Variants in CRYZ observed in about 807,000 individuals in gnomAD.
CRYZ encodes the protein zeta-crystallin.
Under a neutral mutation model 34.1 loss-of-function variants are expected in CRYZ, and 35 were observed. The ratio of observed to expected loss-of-function variants is 1.03; its 90% CI spans 0.78 to 1.36. The LOEUF (loss-of-function observed/expected upper bound fraction) is 1.36. Among genes scored for constraint, CRYZ ranks in the 40% most tolerant of loss-of-function variants. The pLI is 0.00. For missense variants in CRYZ, 403 were observed against 391.8 expected, an observed-to-expected ratio of 1.03 and a Z score of -0.24; for synonymous variants, 137 against 136.5, an observed-to-expected ratio of 1.00 and a Z score of -0.03.
In CRYZ at chr1:74,733,040, G is replaced by A; in HGVS notation, c.-98C>T. The A allele has an allele frequency of 1.5e-6, 1 of 666,572 alleles. No homozygotes were observed. Among genetic ancestry groups the A allele is most frequent in the Non-Finnish European group, 2.5e-6 (1 of 407,656 alleles). The allele number at this position is 666,572 out of a possible 1,614,324, so 41.3% of individuals were successfully genotyped here. On this transcript the variant is annotated 5_prime_UTR_variant, in exon 1 of 9. Coordinates refer to ENST00000340866, the MANE Select transcript of CRYZ (RefSeq NM_001889.4). ...GACTGCCACACCTTCTCCAACTTTT[G>A]CAGGCTCCACCCAGGATGTGCGCCT...
chr1:74,732,125 TAGG>T (rs1270286742), intron 1 of CRYZ, among the ~76,000 whole-genome samples: 2 of 142,156 alleles, frequency 1.4e-5, no homozygotes, highest in Non-Finnish European at 3.0e-5. Flanking sequence ...GGGCACTACC[TAGG>T]AGAAGAAATC....
chr1:74,713,881 C>A (rs774582271), intron 5 of CRYZ, among the ~76,000 whole-genome samples: 31 of 152,240 alleles, frequency 2.0e-4, no homozygotes, highest in Non-Finnish European at 3.5e-4. Flanking sequence ...TTGTTAAATT[C>A]TAACTGCAGA....
intron 4 of CRYZ, among the ~76,000 whole-genome samples, chr1:74,715,305 TG>T (rs1369058629): frequency 2.8e-4 from 43 of 152,222 alleles, no homozygotes; most frequent in Admixed American, 1.9e-3. Context: ...TTTTCTAGTA[TG>T]TACTGAAAAG....
chr1:74,728,025 A>C (rs547155732), intron 1 of CRYZ, among the ~76,000 whole-genome samples: 8 of 152,298 alleles, frequency 5.3e-5, no homozygotes, highest in African/African-American at 1.9e-4. Context: ...ATGTTTTCAA[A>C]CTTTATTTAC....
chr1:74,706,150 T>C lies in CRYZ; in HGVS notation c.*146A>G. On this transcript the variant is annotated 3_prime_UTR_variant, in exon 9 of 9. Coordinates refer to ENST00000340866, the MANE Select transcript of CRYZ (RefSeq NM_001889.4). ...AGCTATACAATAAATTTTACTCTTC[T>C]GCTTCTGCTCTCTAAAGAAAAATCT... is the stretch of plus-strand genomic sequence containing the variant. 1 of 632,152 alleles carries C rather than the reference T, an allele frequency of 1.6e-6. No individual in the cohort carries two copies. Among genetic ancestry groups the C allele is most frequent in the South Asian group, 3.4e-5 (1 of 29,670 alleles). The allele number at this position is 632,152 out of a possible 1,614,324, so 39.2% of individuals were successfully genotyped here. A position where few individuals can be genotyped will look rare whatever the true frequency, so the allele number is the denominator to read the frequency against.
chr1:74,729,661 AAGC>A (rs1169240225), intron 1 of CRYZ, among the ~76,000 whole-genome samples: 52 of 151,780 alleles, frequency 3.4e-4, no homozygotes, highest in African/African-American at 1.2e-3. Context: ...AAAAAAAAAA[AAGC>A]AGCAGACTAG....
At chr1:74,727,794 G>A (rs1351830408) in intron 1 of CRYZ, among the ~76,000 whole-genome samples, 3 of 151,998 alleles carry the variant, frequency 2.0e-5, no homozygotes, top group Non-Finnish European at 4.4e-5. Flanking sequence ...TTGAAGATGA[G>A]ATTTGGGTGG....
chr1:74,723,539 A>G (rs1647203969), intron 2 of CRYZ, among the ~76,000 whole-genome samples: 1 of 152,234 alleles, frequency 6.6e-6, no homozygotes, highest in Non-Finnish European at 1.5e-5. Context: ...CTGCGTGTTC[A>G]TCAAACCCGT....
In CRYZ at chr1:74,706,315, T is replaced by C; in HGVS notation, c.971A>G (p.Lys324Arg). The C allele has an allele frequency of 6.2e-7, 1 of 1,604,746 alleles. No individual in the cohort carries two copies. Among genetic ancestry groups the C allele is most frequent in the East Asian group, 2.2e-5 (1 of 44,716 alleles). Residue 324 changes from lysine to arginine, a missense_variant, in exon 9 of 9, where the codon AAA becomes AGA. Physicochemically the swap from Lys to Arg is conservative, Grantham distance 26. Coordinates refer to ENST00000340866, the MANE Select transcript of CRYZ (RefSeq NM_001889.4). ...TAATCATCATAAGAGAAGAATCATT[T>C]TTCCAGTAGCCCCACTACCATGAAT... Reference protein sequence around the residue: ...NIIHGSGATGKMILLL With the variant: ...NIIHGSGATGRMILLL
chr1:74,724,580 A>T (rs1278009044), intron 2 of CRYZ, 131 bp downstream of exon 2: 2 of 604,720 alleles, frequency 3.3e-6, no homozygotes, highest in African/African-American at 3.8e-5. Context: ...GTCCATATGT[A>T]TACATAGTGT....
At chr1:74,713,416 A>C (rs1020155488) in intron 5 of CRYZ, among the ~76,000 whole-genome samples, 2 of 152,214 alleles carry the variant, frequency 1.3e-5, no homozygotes, top group African/African-American at 2.4e-5. Flanking sequence ...AATTTAACCC[A>C]AAAATAGCCT....
At chr1:74,717,381 C>T (rs1252434194) in intron 4 of CRYZ, among the ~76,000 whole-genome samples, 1 of 152,170 alleles carries the variant, frequency 6.6e-6, no homozygotes, top group African/African-American at 2.4e-5. Context: ...GCTCTTCCCA[C>T]CATTCTATTG....
chr1:74,719,376 G>C lies in CRYZ; in HGVS notation c.265-4C>G, dbSNP rs768190068. 6.2e-7 allele frequency: 1 copy of C among 1,605,622 alleles called. No individual in the cohort carries two copies. The highest frequency in any genetic ancestry group is 1.1e-5 in the South Asian group (1 of 90,700). ...TAGTGAAAACTCTGTCACCTTTCTAGGGGAAGAGATAAATGAATAAATGCA... is the reference window on the plus strand; with the variant it reads ...TAGTGAAAACTCTGTCACCTTTCTACGGGAAGAGATAAATGAATAAATGCA... On this transcript the variant is annotated splice_region_variant and splice_polypyrimidine_tract_variant and intron_variant, in intron 3 of 8. Coordinates refer to ENST00000340866, the MANE Select transcript of CRYZ (RefSeq NM_001889.4).
In CRYZ at chr1:74,706,120, T is replaced by C. The variant is rs776043591; in HGVS notation, c.*176A>G. On this transcript the variant is annotated 3_prime_UTR_variant, in exon 9 of 9. Coordinates refer to ENST00000340866, the MANE Select transcript of CRYZ (RefSeq NM_001889.4). ...TTGAGACAGATGGCATAAAAAAATATTGCTAGCTATACAATAAATTTTACT... is the reference window on the plus strand; with the variant it reads ...TTGAGACAGATGGCATAAAAAAATACTGCTAGCTATACAATAAATTTTACT... 4.1e-6 allele frequency: 2 copies of C among 493,642 alleles called. No homozygotes were observed. The highest frequency in any genetic ancestry group is 7.1e-6 in the Non-Finnish European group (2 of 282,782). 30.6% of individuals were successfully genotyped at this position (493,642 alleles called of 1,614,324 possible).
chr1:74,719,366 C>G lies in CRYZ; in HGVS notation c.271G>C (p.Asp91His). ...ATCGTGCTGCTAGTGAAAACTCTGTCACCTTTCTAGGGGAAGAGATAAATG... is the reference window on the plus strand; with the variant it reads ...ATCGTGCTGCTAGTGAAAACTCTGTGACCTTTCTAGGGGAAGAGATAAATG... ...GDNASAFKKG[D>H]RVFTSSTISG... is the part of the protein sequence containing the mutation. The change falls in exon 4 of 9, where the codon GAC (aspartate) becomes CAC (histidine). Residue 91 changes from aspartate (D) to histidine (H), a missense_variant. Physicochemically the swap from Asp to His is moderately conservative, Grantham distance 81. Coordinates refer to ENST00000340866, the MANE Select transcript of CRYZ (RefSeq NM_001889.4). 6.2e-7 allele frequency: 1 copy of G among 1,609,574 alleles called. No individual in the cohort carries two copies. The highest frequency in any genetic ancestry group is 8.5e-7 in the Non-Finnish European group (1 of 1,176,302).
At position 74,719,244 on chromosome 1, in the gene CRYZ, A is replaced by C; in HGVS notation, c.393T>G (p.Ile131Met). 1 of 1,613,812 alleles carries C rather than the reference A, an allele frequency of 6.2e-7. No individual in the cohort carries two copies. Among genetic ancestry groups the C allele is most frequent in the African/African-American group, 1.3e-5 (1 of 75,044 alleles). ...GAGCTCGATAAGCAGTAAAATATGG[A>C]ATGCCGATGGCAGCTCCTTGTTTAA... ...LDFKQGAAIG[I>M]PYFTAYRALI... Residue 131 changes from isoleucine (I) to methionine (M), a missense_variant, in exon 4 of 9, where the codon ATT becomes ATG. Coordinates refer to ENST00000340866, the MANE Select transcript of CRYZ (RefSeq NM_001889.4).
chr1:74,706,539 T>G (rs973372600), intron 8 of CRYZ, 82 bp from the exon 9 acceptor site: 3 of 1,239,818 alleles, frequency 2.4e-6, no homozygotes, highest in African/African-American at 3.0e-5. Context: ...CTTCAGAATC[T>G]AAGTGTTATA....
intron 5 of CRYZ, among the ~76,000 whole-genome samples, chr1:74,712,419 G>A (rs1027830472): frequency 6.6e-6 from 1 of 152,090 alleles, no homozygotes; most frequent in Non-Finnish European, 1.5e-5. Flanking sequence ...AAAATCACCC[G>A]CTACTCATAA....
chr1:74,712,720 A>C (rs571109696), intron 5 of CRYZ, among the ~76,000 whole-genome samples: 1 of 152,294 alleles, frequency 6.6e-6, no homozygotes, highest in Non-Finnish European at 1.5e-5. Context: ...TTAATTTTCA[A>C]ATTTAAATAA....
Sources: allele counts gnomAD v4.1 joint callset (sites outside exome capture counted in the v4.1 genomes callset), GRCh38; gene constraint gnomAD v4.1.1; transcripts MANE v1.5; gene names NCBI Gene and HGNC (gene_info 2026-07-23, HGNC 2026-07-21).